ERC1: variants seen among roughly 807,000 people sequenced by gnomAD.
The protein encoded by ERC1 is ELKS/RAB6-interacting/CAST family member 1.
A neutral mutation model predicts 132.0 loss-of-function variants in ERC1; 56 were observed. The ratio of observed to expected loss-of-function variants is 0.42; its 90% CI spans 0.34 to 0.53. The LOEUF (loss-of-function observed/expected upper bound fraction) is 0.53. ERC1 is among the 20% of genes least tolerant of loss of function. The pLI is 0.03. For synonymous variants in ERC1, 478 were observed against 476.1 expected (o/e 1.00, Z -0.05); for missense variants, 1,202 against 1,349.9 (o/e 0.89, Z 1.72).
intron 16 of ERC1, among the ~76,000 whole-genome samples, chr12:1,390,424 TA>T (rs970583463): frequency 1.8e-4 from 28 of 152,288 alleles, no homozygotes; most frequent in African/African-American, 6.5e-4. Flanking sequence ...TAAAAAATAA[TA>T]AAGTTTAATT....
intron 2 of ERC1, among the ~76,000 whole-genome samples, chr12:1,045,989 C>G (rs1310870521): frequency 6.6e-6 from 1 of 152,050 alleles, no homozygotes; most frequent in Admixed American, 6.5e-5. Flanking sequence ...TGACATACAT[C>G]AGTACTTTTC....
intron 14 of ERC1, among the ~76,000 whole-genome samples, chr12:1,280,717 A>G (rs746735989): frequency 1.1e-4 from 17 of 152,212 alleles, no homozygotes; most frequent in Non-Finnish European, 2.2e-4. Context: ...CACACCAGAC[A>G]TGCGCAAACA....
intron 14 of ERC1, among the ~76,000 whole-genome samples, chr12:1,274,068 A>T (rs1225685468): frequency 6.6e-6 from 1 of 152,228 alleles, no homozygotes; most frequent in Non-Finnish European, 1.5e-5. Flanking sequence ...TGGTAGCATC[A>T]TGTAGATGCT....
chr12:1,234,770 A>T (rs150862528), intron 12 of ERC1, among the ~76,000 whole-genome samples: 155 of 152,340 alleles, frequency 1.0e-3, no homozygotes, highest in Middle Eastern at 6.8e-3. Flanking sequence ...ACAGGTACAC[A>T]TGCATATAGA....
rs567606467 is a variant in ERC1 at position 1,258,695 on chromosome 12, G to A, written c.2488-4339G>A. Among the ~76,000 whole-genome samples, 16 of 152,228 alleles carry A rather than the reference G, an allele frequency of 1.1e-4. No homozygotes were observed. In the South Asian group the frequency reaches 2.5e-3, roughly 24 times the overall value. On this transcript the variant is annotated intron_variant, in intron 13 of 18. Coordinates refer to ENST00000360905, the MANE Select transcript of ERC1 (RefSeq NM_178040.4). ...TGGAAGAACTTACTGTGATAATATT[G>A]TCCCTTTTAAAAAATGTTGTTATTT...
At chr12:1,108,079 G>A (rs1439725227) in intron 4 of ERC1, among the ~76,000 whole-genome samples, 1 of 152,164 alleles carries the variant, frequency 6.6e-6, no homozygotes, top group African/African-American at 2.4e-5. Flanking sequence ...GTACCCGTTG[G>A]GTTGGTGCTA....
chr12:1,181,699 C>G (rs1237282849), intron 9 of ERC1, among the ~76,000 whole-genome samples: 1 of 151,380 alleles, frequency 6.6e-6, no homozygotes, highest in Non-Finnish European at 1.5e-5. Context: ...AGGAGAATCG[C>G]TTGAACCCGA....
intron 14 of ERC1, among the ~76,000 whole-genome samples, chr12:1,265,265 T>C (rs1267696784): frequency 6.6e-6 from 1 of 152,214 alleles, no homozygotes; most frequent in African/African-American, 2.4e-5. Context: ...TCATTATTTA[T>C]TGACAAGTAT....
At chr12:1,166,008 G>A (rs1174814887) in intron 8 of ERC1, among the ~76,000 whole-genome samples, 1 of 152,080 alleles carries the variant, frequency 6.6e-6, no homozygotes, top group Non-Finnish European at 1.5e-5. Flanking sequence ...TGCCTATACT[G>A]GATGAGACCT....
chr12:1,101,771 G>A (rs771281204), intron 3 of ERC1, among the ~76,000 whole-genome samples: 8 of 152,164 alleles, frequency 5.3e-5, no homozygotes, highest in Non-Finnish European at 8.8e-5. Flanking sequence ...TGGGGTATAC[G>A]TGTAAAGGTA....
At chr12:1,156,345 T>A (rs1388912976) in intron 8 of ERC1, among the ~76,000 whole-genome samples, 1 of 151,906 alleles carries the variant, frequency 6.6e-6, no homozygotes, top group African/African-American at 2.4e-5. Context: ...TTCAAACAGT[T>A]CTCTCCTGCC....
intron 7 of ERC1, among the ~76,000 whole-genome samples, chr12:1,130,829 C>T (rs570193569): frequency 2.0e-5 from 3 of 152,082 alleles, no homozygotes; most frequent in Non-Finnish European, 2.9e-5. Flanking sequence ...GTGCCCTTCA[C>T]GTAGCATTCA....
At chr12:1,283,530 T>A (rs988145627) in intron 14 of ERC1, among the ~76,000 whole-genome samples, 1 of 152,216 alleles carries the variant, frequency 6.6e-6, no homozygotes, top group Non-Finnish European at 1.5e-5. Flanking sequence ...TAAATTTGAC[T>A]TTGAAACTGT....
At chr12:1,268,945 A>C (rs1170950774) in intron 14 of ERC1, among the ~76,000 whole-genome samples, 1 of 152,172 alleles carries the variant, frequency 6.6e-6, no homozygotes, top group Non-Finnish European at 1.5e-5. Context: ...TGAGAGAGTA[A>C]GGGAGATCCT....
intron 15 of ERC1, among the ~76,000 whole-genome samples, chr12:1,331,543 C>T (rs900173009): frequency 2.0e-5 from 3 of 152,186 alleles, no homozygotes; most frequent in Non-Finnish European, 4.4e-5. Context: ...CAGAGACCCA[C>T]TCACAGAGCC....
At position 1,256,921 on chromosome 12, in the gene ERC1, C is replaced by T. The variant is rs932232635; in HGVS notation, c.2488-6113C>T. 6.6e-5 allele frequency among the ~76,000 whole-genome samples: 10 copies of T among 150,588 alleles called. 1 individual carries two copies. Among genetic ancestry groups the T allele is most frequent in the African/African-American group, 1.7e-4 (7 of 40,586 alleles). Reference sequence around the variant, plus strand: ...TCATTGATAATCCAGTTTTGTTATACTGGAGCTACATCCTCAGGTTCTATA... The same window carrying T: ...TCATTGATAATCCAGTTTTGTTATATTGGAGCTACATCCTCAGGTTCTATA... On this transcript the variant is annotated intron_variant, in intron 13 of 18. Coordinates refer to ENST00000360905, the MANE Select transcript of ERC1 (RefSeq NM_178040.4).
intron 2 of ERC1, among the ~76,000 whole-genome samples, chr12:1,045,285 T>C (rs1970912201): frequency 6.6e-6 from 1 of 152,148 alleles, no homozygotes; most frequent in Non-Finnish European, 1.5e-5. Flanking sequence ...GCATTACATC[T>C]GAGGTTCCCT....
chr12:1,083,689 G>C, intron 3 of ERC1, 109 bp downstream of exon 3: 1 of 865,364 alleles, frequency 1.2e-6, no homozygotes, highest in Non-Finnish European at 1.8e-6. Context: ...GCTGGTGGAA[G>C]AGAATTTCAT....
At chr12:1,415,785 A>T (rs1311343524) in intron 17 of ERC1, among the ~76,000 whole-genome samples, 1 of 152,216 alleles carries the variant, frequency 6.6e-6, no homozygotes, top group Admixed American at 6.5e-5. Context: ...TCAGAAGTGG[A>T]TCAGAGATTT....
Sources: gnomAD v4.1 joint callset for allele counts (sites outside exome capture counted in the v4.1 genomes callset) on GRCh38, gnomAD v4.1.1 for gene constraint, MANE v1.5 for transcripts, NCBI Gene and HGNC (gene_info 2026-07-23, HGNC 2026-07-21) for gene names.